RBM23: variants seen among roughly 807,000 people sequenced by gnomAD.
RBM23 encodes RNA binding motif protein 23.
A neutral mutation model predicts 56.2 loss-of-function variants in RBM23; 53 were observed. That is an observed-to-expected ratio of 0.94 (90% CI 0.76 to 1.19). RBM23 has a LOEUF of 1.19. Ranked by LOEUF, RBM23 falls within the 50% of genes most tolerant of loss-of-function variation. RBM23 has a pLI of 0.00. For synonymous variants in RBM23, 197 were observed against 198.5 expected, an observed-to-expected ratio of 0.99 and a Z score of 0.06; for missense variants, 642 against 590.3, an observed-to-expected ratio of 1.09 and a Z score of -0.91.
At chr14:22,918,715 G>A (rs2044033233) in intron 1 of RBM23, among the ~76,000 whole-genome samples, 1 of 152,152 alleles carries the variant, frequency 6.6e-6, no homozygotes, top group African/African-American at 2.4e-5. Flanking sequence ...AAGTGTCACG[G>A]CTGCAGAGAC....
chr14:22,902,897 C>T, intron 10 of RBM23: 2 of 732,564 alleles, frequency 2.7e-6, no homozygotes, highest in Non-Finnish European at 3.3e-6. Context: ...GCCTCAGCCT[C>T]CCGAGTAGCT....
At position 22,909,558 on chromosome 14, in the gene RBM23, G is replaced by A. The variant is rs1268112049; in HGVS notation, c.104C>T (p.Pro35Leu). ...QQRKEVKKDY[P>L]SNTTSSTSNS... ...GCTGGTGCTGCTGGTGGTATTGCTAGGATAATCCTTTTTAACTTCTTTCCT... is the reference window on the plus strand; with the variant it reads ...GCTGGTGCTGCTGGTGGTATTGCTAAGATAATCCTTTTTAACTTCTTTCCT... The change falls in exon 3 of 14, where the codon CCT becomes CTT. Residue 35 changes from proline to leucine, a missense_variant. Physicochemically the swap from Pro to Leu is moderately conservative, Grantham distance 98. Coordinates refer to ENST00000359890, the MANE Select transcript of RBM23 (RefSeq NM_001077351.2). The A allele has an allele frequency of 8.7e-6, 14 of 1,613,576 alleles. 1 individual carries two copies. In the South Asian group the frequency reaches 1.5e-4, roughly 18 times the overall value.
rs2040317396 is a variant in RBM23, at chr14:22,899,846, G to A, written c.*1884C>T. ...TAACATCACTGGCTTAGAAGTCTGA[G>A]AGCTGACAAATTAAAACCTAACAGC... On this transcript the variant is annotated 3_prime_UTR_variant, in exon 14 of 14. Coordinates refer to ENST00000359890, the MANE Select transcript of RBM23 (RefSeq NM_001077351.2). 6.6e-6 allele frequency: 1 copy of A among 152,180 alleles called. No homozygotes were observed. Among genetic ancestry groups the A allele is most frequent in the Non-Finnish European group, 1.5e-5 (1 of 68,028 alleles). 9.4% of individuals were successfully genotyped at this position (152,180 alleles called of 1,614,324 possible). A position where few individuals can be genotyped will look rare whatever the true frequency, so the allele number is the denominator to read the frequency against.
intron 1 of RBM23, among the ~76,000 whole-genome samples, chr14:22,915,621 G>C (rs2043347115): frequency 6.6e-6 from 1 of 151,220 alleles, no homozygotes; most frequent in African/African-American, 2.4e-5. Flanking sequence ...TCAGCCTCCT[G>C]AGTAGCTGGG....
rs2040437109 is a variant in RBM23, at chr14:22,901,141, T to C, written c.*589A>G. The C allele has an allele frequency of 6.4e-6, 1 of 156,802 alleles. No homozygotes were observed. Among genetic ancestry groups the C allele is most frequent in the Non-Finnish European group, 1.4e-5 (1 of 71,040 alleles). The allele number at this position is 156,802 out of a possible 1,614,324, so 9.7% of individuals were successfully genotyped here. On this transcript the variant is annotated 3_prime_UTR_variant, in exon 14 of 14. Coordinates refer to ENST00000359890, the MANE Select transcript of RBM23 (RefSeq NM_001077351.2). ...GAGGCCTCCTGGCAGGATAGATCAC[T>C]TCCATGCCTCCTAGCAAGATGCTGA... is the stretch of plus-strand genomic sequence containing the variant.
intron 10 of RBM23, chr14:22,903,935 A>G: frequency 7.9e-7 from 1 of 1,260,684 alleles, no homozygotes; most frequent in Non-Finnish European, 1.0e-6. Flanking sequence ...TGTCTTTAAA[A>G]GCCCATACCT....
intron 5 of RBM23, 136 bp from the exon 6 acceptor site, chr14:22,905,795 C>T: frequency 1.4e-6 from 1 of 724,048 alleles, no homozygotes; most frequent in Non-Finnish European, 2.3e-6. Flanking sequence ...GTCACCCAGG[C>T]TGGAGTGCAG....
Position 22,899,094 on chromosome 14 carries a change from G to A in RBM23, c.*2636C>T, listed in dbSNP as rs1340938099. 2 of 152,190 alleles carry A rather than the reference G, an allele frequency of 1.3e-5. No homozygotes were observed. Among genetic ancestry groups the A allele is most frequent in the Admixed American group, 6.5e-5 (1 of 15,272 alleles). The allele number at this position is 152,190 out of a possible 1,614,324, so 9.4% of individuals were successfully genotyped here. ...ATCAGAAATGCTGTGGTTTGAATGT[G>A]TCCCCCAAAAGTTCACATTGGAAAT... On this transcript the variant is annotated 3_prime_UTR_variant, in exon 14 of 14. Transcript: ENST00000359890.
At chr14:22,904,380 T>A in intron 9 of RBM23, 54 bp from the exon 10 acceptor site, 10 of 1,391,196 alleles carry the variant, frequency 7.2e-6, no homozygotes, top group South Asian at 1.2e-5. Flanking sequence ...ACATCTTCAA[T>A]CTTTCCTACC....
intron 1 of RBM23, chr14:22,917,566 C>CTTCT (rs34520908): frequency 3.3e-5 from 5 of 150,914 alleles, no homozygotes; most frequent in African/African-American, 7.3e-5. Flanking sequence ...CTTTTTTCTT[C>CTTCT]TTTTTTGTTT....
chr14:22,906,446 A>G lies in RBM23; in HGVS notation c.228-78T>C, dbSNP rs1270480598. 6.6e-6 allele frequency: 10 copies of G among 1,518,960 alleles called. No homozygotes were observed. In the South Asian group the frequency reaches 7.0e-5, roughly 11 times the overall value. The allele number at this position is 1,518,960 out of a possible 1,614,324, so 94.1% of individuals were successfully genotyped here. A position where few individuals can be genotyped will look rare whatever the true frequency, so the allele number is the denominator to read the frequency against. On this transcript the variant is annotated intron_variant, in intron 4 of 13. Transcript: ENST00000359890. ...CAAGTGCATATACAACAGTGGTCCC[A>G]TAAGATTATAACGGTGCTGAGAAGT...
Position 22,904,895 on chromosome 14 carries a change from T to C in RBM23, c.844A>G (p.Ile282Val). The change falls in exon 9 of 14, where the codon ATC becomes GTC. Residue 282 changes from isoleucine (I) to valine (V), a missense_variant. Physicochemically the swap from Ile to Val is conservative, Grantham distance 29. Transcript: ENST00000359890. ...FNITEDMLRG[I>V]FEPFGKIDNI... ...CTCACTTTACCAAAGGGCTCAAAGA[T>C]GCCCCGGAGCATGTCTTCAGTGATA... 2 of 1,614,220 alleles carry C rather than the reference T, an allele frequency of 1.2e-6. No homozygotes were observed. The highest frequency in any genetic ancestry group is 1.7e-6 in the Non-Finnish European group (2 of 1,180,032).
intron 3 of RBM23, 125 bp from the exon 4 acceptor site, chr14:22,908,505 G>C: frequency 9.8e-7 from 1 of 1,018,772 alleles, no homozygotes; most frequent in South Asian, 1.6e-5. Context: ...CGATCCTCAT[G>C]CCTTAGCCTC....
chr14:22,904,099 T>C (rs2041098288), intron 10 of RBM23, 162 bp downstream of exon 10: 3 of 1,535,124 alleles, frequency 2.0e-6, no homozygotes. Flanking sequence ...TCTCAAGCAA[T>C]GCACTCATCT....
At chr14:22,914,323 CA>C (rs1176405918) in intron 1 of RBM23, among the ~76,000 whole-genome samples, 98 of 87,808 alleles carry the variant, frequency 1.1e-3, no homozygotes, top group African/African-American at 2.8e-3. Context: ...GACTCTGTCT[CA>C]AAAAAAAAAA....
In RBM23 at chr14:22,911,331, T is replaced by C. The variant is rs911474339; in HGVS notation, c.63A>G (p.Glu21=). Residue 21 remains glutamate, a synonymous_variant, in exon 2 of 14, where the codon GAA becomes GAG. Coordinates refer to ENST00000359890, the MANE Select transcript of RBM23 (RefSeq NM_001077351.2). ...EAMLEAPYKK[E]EDEQQRKEVK... Reference sequence around the variant, plus strand: ...GGAGTGAGGTGGAAAATATTACCTCTTCTTTTTTATAGGGAGCTTCCAGCA... The same window carrying C: ...GGAGTGAGGTGGAAAATATTACCTCCTCTTTTTTATAGGGAGCTTCCAGCA... 1.8e-5 allele frequency: 29 copies of C among 1,613,468 alleles called. No homozygotes were observed. In the Admixed American group the frequency reaches 4.3e-4, roughly 24 times the overall value.
chr14:22,912,510 G>C (rs2042702456), intron 1 of RBM23, among the ~76,000 whole-genome samples: 1 of 152,028 alleles, frequency 6.6e-6, no homozygotes, highest in Non-Finnish European at 1.5e-5. Context: ...TCTACCACCA[G>C]TTTGTCAAAT....
At chr14:22,905,533 TC>T (rs1391174649) in intron 6 of RBM23, 72 bp downstream of exon 6, 2 of 1,586,644 alleles carry the variant, frequency 1.3e-6, no homozygotes, top group Non-Finnish European at 1.7e-6. Context: ...TATTACACAT[TC>T]CTGTAATTTG....
rs767974356 is a variant in RBM23 at position 22,905,095 on chromosome 14, T to A, written c.725A>T (p.Gln242Leu). ...ATGTCTGTTTCTCAGCCTGCTCACC[T>A]GTGAAGCCTGTACAATGATAGGCAC... ...LGVPIIVQAS[Q>L]AEKNRLAAMA... Residue 242 changes from glutamine to leucine, a missense_variant and splice_region_variant, in exon 8 of 14, where the codon CAG (glutamine) becomes CTG (leucine). Transcript: ENST00000359890. 3.1e-6 allele frequency: 5 copies of A among 1,614,154 alleles called. No homozygotes were observed. The South Asian group carries it at 5.5e-5, about 18-fold the overall frequency.
Sources: gnomAD v4.1 joint callset for allele counts (sites outside exome capture counted in the v4.1 genomes callset) on GRCh38, gnomAD v4.1.1 for gene constraint, MANE v1.5 for transcripts, NCBI Gene and HGNC (gene_info 2026-07-23, HGNC 2026-07-21) for gene names.